Variants in EFCAB8 observed in about 807,000 individuals in gnomAD.
The protein encoded by EFCAB8 is EF-hand calcium binding domain 8, also known as EF-hand calcium-binding domain-containing protein 8.
In EFCAB8, 100 loss-of-function variants were observed where a neutral mutation model predicts 116.3. The observed-to-expected ratio is 0.86, with a 90% CI of 0.73 to 1.02. The LOEUF (loss-of-function observed/expected upper bound fraction) is 1.02, where lower values mean the gene tolerates loss of function less well. Among genes scored for constraint, EFCAB8 ranks in the 50% least tolerant of loss-of-function variants. The pLI, the probability that EFCAB8 is intolerant of heterozygous loss-of-function variation, is 0.00. For missense variants in EFCAB8, 1,320 were observed against 1,416.9 expected (o/e 0.93, Z 1.10); for synonymous variants, 558 against 567.9 (o/e 0.98, Z 0.25).
chr20:32,958,303 G>A (rs567690151), intron 23 of EFCAB8, 118 bp from the exon 24 acceptor site: 1 of 403,504 alleles, frequency 2.5e-6, no homozygotes, highest in East Asian at 3.6e-5. Context: ...ATTTGAGTGA[G>A]TGTGGGGGCT....
rs1846438369 is a variant in EFCAB8, at chr20:32,889,287, C to A, written c.568-14C>A. ...TGCGTCCCAGCCCATCTCCTCTGCT[C>A]TTCCTCTGGCCAGCTTAACCAGACC... On this transcript the variant is annotated splice_polypyrimidine_tract_variant and intron_variant, in intron 6 of 26. Coordinates refer to ENST00000400522, the MANE Select transcript of EFCAB8 (RefSeq NM_001143967.2). 6.4e-7 allele frequency: 1 copy of A among 1,551,344 alleles called. No homozygotes were observed. Among genetic ancestry groups the A allele is most frequent in the Non-Finnish European group, 8.7e-7 (1 of 1,146,802 alleles).
At chr20:32,936,055 C>T (rs1279368279) in intron 22 of EFCAB8, among the ~76,000 whole-genome samples, 2 of 151,180 alleles carry the variant, frequency 1.3e-5, no homozygotes, top group Middle Eastern at 3.4e-3. Context: ...TTTTTTGAAA[C>T]GGAGTCTTGC....
intron 23 of EFCAB8, among the ~76,000 whole-genome samples, chr20:32,948,804 C>T (rs900766380): frequency 1.2e-4 from 18 of 152,062 alleles, no homozygotes; most frequent in African/African-American, 4.3e-4. Context: ...TGACAAAATT[C>T]AACATCCATT....
chr20:32,935,891 G>T (rs1189142415), intron 22 of EFCAB8, among the ~76,000 whole-genome samples: 4 of 152,092 alleles, frequency 2.6e-5, no homozygotes, highest in Non-Finnish European at 5.9e-5. Flanking sequence ...TCCCTTATCA[G>T]ATGTATGATT....
intron 11 of EFCAB8, 129 bp downstream of exon 11, chr20:32,898,752 T>A: frequency 1.6e-6 from 1 of 616,060 alleles, no homozygotes; most frequent in Non-Finnish European, 3.0e-6. Context: ...TTTTCCAGCA[T>A]TGCCAGCAGC....
chr20:32,891,210 A>G (rs1985893246), intron 7 of EFCAB8, among the ~76,000 whole-genome samples: 1 of 152,090 alleles, frequency 6.6e-6, no homozygotes, highest in African/African-American at 2.4e-5. Context: ...CCCGGGTTCA[A>G]GAGATTCTCC....
At chr20:32,953,600 G>A (rs1988866317) in intron 23 of EFCAB8, among the ~76,000 whole-genome samples, 1 of 152,124 alleles carries the variant, frequency 6.6e-6, no homozygotes, top group African/African-American at 2.4e-5. Flanking sequence ...ATCTTTTCAT[G>A]TGCTTGTTGG....
intron 6 of EFCAB8, among the ~76,000 whole-genome samples, chr20:32,888,906 C>T (rs1478923735): frequency 2.0e-5 from 3 of 151,534 alleles, no homozygotes; most frequent in African/African-American, 7.3e-5. Context: ...GTCTTGGAAA[C>T]AGATCCCTGG....
intron 6 of EFCAB8, among the ~76,000 whole-genome samples, chr20:32,888,128 A>C (rs924163026): frequency 6.6e-6 from 1 of 151,890 alleles, no homozygotes; most frequent in Non-Finnish European, 1.5e-5. Context: ...GAGTGGTGCA[A>C]TCACGGCTCA....
At chr20:32,863,011 A>ATT (rs11478583) in intron 1 of EFCAB8, among the ~76,000 whole-genome samples, 3 of 148,320 alleles carry the variant, frequency 2.0e-5, no homozygotes, top group African/African-American at 7.4e-5. Flanking sequence ...TTTGCTGCCA[A>ATT]TTTTTTTTTT....
Position 32,896,451 on chromosome 20 carries a change from C to T in EFCAB8, c.884-3C>T, listed in dbSNP as rs763916910. 6 of 718,776 alleles carry T rather than the reference C, an allele frequency of 8.3e-6. No homozygotes were observed. The South Asian group carries it at 8.9e-5, about 11-fold the overall frequency. 44.5% of individuals were successfully genotyped at this position (718,776 alleles called of 1,614,324 possible). A position where few individuals can be genotyped will look rare whatever the true frequency, so the allele number is the denominator to read the frequency against. ...TGTGGACCTTGGTTTTTTCCCCTATCAGATCACTGGATCAAAGTTTCCTTG... is the reference window on the plus strand; with the variant it reads ...TGTGGACCTTGGTTTTTTCCCCTATTAGATCACTGGATCAAAGTTTCCTTG... On this transcript the variant is annotated splice_polypyrimidine_tract_variant and splice_region_variant and intron_variant, in intron 9 of 26. Transcript: ENST00000400522.
intron 9 of EFCAB8, among the ~76,000 whole-genome samples, chr20:32,895,162 C>T (rs1452828178): frequency 6.6e-6 from 1 of 152,220 alleles, no homozygotes; most frequent in Non-Finnish European, 1.5e-5. Flanking sequence ...GCTGGCTCTA[C>T]TCGTCTGTGT....
chr20:32,914,598 A>C (rs1228862709), intron 17 of EFCAB8, among the ~76,000 whole-genome samples: 1 of 152,208 alleles, frequency 6.6e-6, no homozygotes. Flanking sequence ...ATCATAGTTA[A>C]AGGTGAAGGG....
intron 14 of EFCAB8, 101 bp from the exon 15 acceptor site, chr20:32,909,720 G>A (rs1039277471): frequency 2.3e-4 from 118 of 514,656 alleles, no homozygotes; most frequent in Non-Finnish European, 2.3e-4. Context: ...TGGTCAGGAC[G>A]TCTTGATGTC....
chr20:32,863,542 A>G (rs759984992), intron 1 of EFCAB8, among the ~76,000 whole-genome samples: 2 of 151,984 alleles, frequency 1.3e-5, no homozygotes, highest in Non-Finnish European at 2.9e-5. Flanking sequence ...CTGCAGGACA[A>G]CTCCTCTCTA....
At chr20:32,918,716 T>C in intron 19 of EFCAB8, 142 bp downstream of exon 19, 1 of 822,100 alleles carries the variant, frequency 1.2e-6, no homozygotes, top group Non-Finnish European at 1.9e-6. Flanking sequence ...TTTTGAGCAT[T>C]GTGGGCCTGG....
intron 20 of EFCAB8, among the ~76,000 whole-genome samples, chr20:32,924,457 C>G (rs73249233): frequency 0.083 from 12,594 of 152,140 alleles, 683 homozygotes; most frequent in Admixed American, 0.14. Context: ...TTTAATACAT[C>G]TGAAAAGAAT....
chr20:32,931,271 C>T lies in EFCAB8; in HGVS notation c.2725C>T (p.Arg909Trp), dbSNP rs1488348084. The stretch of plus-strand genomic sequence containing the variant: ...TGTCTCTGAAGCACACAACAAGTTC[C>T]GGTTGTTAATTCCTCAGCAACTTGG... Reference protein sequence around the residue: ...KVVSEAHNKFRLLIPQQLGTN... With the variant: ...KVVSEAHNKFWLLIPQQLGTN... Residue 909 changes from arginine to tryptophan, a missense_variant, in exon 22 of 27, where the codon CGG (arginine) becomes TGG (tryptophan). Transcript: ENST00000400522. 1.1e-5 allele frequency: 17 copies of T among 1,551,474 alleles called. No individual in the cohort carries two copies. The highest frequency in any genetic ancestry group is 7.3e-5 in the East Asian group (3 of 40,928).
At chr20:32,958,363 A>G (rs895782609) in intron 23 of EFCAB8, 58 bp from the exon 24 acceptor site, 14 of 415,498 alleles carry the variant, frequency 3.4e-5, no homozygotes, top group African/African-American at 2.3e-4. Context: ...TAAGGGGCAG[A>G]GGGCATGGAG....
Sources: gnomAD v4.1 joint callset for allele counts (sites outside exome capture counted in the v4.1 genomes callset) on GRCh38, gnomAD v4.1.1 for gene constraint, MANE v1.5 for transcripts, NCBI Gene and HGNC (gene_info 2026-07-23, HGNC 2026-07-21) for gene names.